STAP1: variants seen among roughly 807,000 people sequenced by gnomAD.
STAP1 encodes signal transducing adaptor family member 1.
STAP1 carries 30 observed loss-of-function variants against 37.8 expected under a neutral mutation model. The ratio of observed to expected loss-of-function variants is 0.79; its 90% CI spans 0.59 to 1.08. The LOEUF is 1.08. STAP1 is among the 50% of genes least tolerant of loss of function. The pLI, the probability that STAP1 is intolerant of heterozygous loss-of-function variation, is 0.00. For missense variants in STAP1, 357 were observed against 349.4 expected (o/e 1.02, Z -0.17); for synonymous variants, 130 against 116.0 (o/e 1.12, Z -0.78).
chr4:67,594,987 T>C (rs919820568), intron 8 of STAP1, among the ~76,000 whole-genome samples: 1 of 152,130 alleles, frequency 6.6e-6, no homozygotes, highest in Non-Finnish European at 1.5e-5. Flanking sequence ...AGTGGGTGAT[T>C]TGTCTTTTCA....
chr4:67,574,411 T>A (rs1299309241), intron 2 of STAP1, among the ~76,000 whole-genome samples: 1 of 152,162 alleles, frequency 6.6e-6, no homozygotes, highest in African/African-American at 2.4e-5. Context: ...TTTACATTAA[T>A]GAGTAAAAAG....
At chr4:67,599,638 TTTTC>T (rs1481892766) in intron 8 of STAP1, among the ~76,000 whole-genome samples, 1 of 151,788 alleles carries the variant, frequency 6.6e-6, no homozygotes, top group Non-Finnish European at 1.5e-5. Flanking sequence ...TCTTTTTTCT[TTTTC>T]TTTTTTTTTT....
chr4:67,591,590 G>A (rs1195663327), intron 7 of STAP1, among the ~76,000 whole-genome samples: 1 of 152,200 alleles, frequency 6.6e-6, no homozygotes, highest in Non-Finnish European at 1.5e-5. Flanking sequence ...ATAGCTCTGT[G>A]ATTTTAGGCT....
intron 1 of STAP1, among the ~76,000 whole-genome samples, chr4:67,560,644 GT>G (rs1727314323): frequency 1.8e-4 from 7 of 39,670 alleles, no homozygotes; most frequent in African/African-American, 2.9e-4. Context: ...GTGTGTGTGG[GT>G]GTGTGTCTGT....
intron 1 of STAP1, among the ~76,000 whole-genome samples, chr4:67,570,110 C>T (rs771610554): frequency 4.6e-5 from 7 of 152,104 alleles, no homozygotes; most frequent in Non-Finnish European, 8.8e-5. Context: ...GAAATACCTC[C>T]TGAAGAACAT....
Position 67,577,269 on chromosome 4 carries a change from T to C in STAP1, c.363+10T>C. 1 of 1,596,898 alleles carries C rather than the reference T, an allele frequency of 6.3e-7. No individual in the cohort carries two copies. ...TCTTACAGTAACAGAGGTAGGAAGC[T>C]CACTGCTTTTGATTGATTCTTTTTT... On this transcript the variant is annotated intron_variant, in intron 4 of 8. Coordinates refer to ENST00000265404, the MANE Select transcript of STAP1 (RefSeq NM_012108.4).
chr4:67,574,313 T>G (rs772609876), intron 2 of STAP1, among the ~76,000 whole-genome samples: 3 of 152,036 alleles, frequency 2.0e-5, no homozygotes, highest in Non-Finnish European at 4.4e-5. Flanking sequence ...CAAATGGAGA[T>G]TTAAATGGTA....
intron 8 of STAP1, among the ~76,000 whole-genome samples, chr4:67,602,924 T>G (rs376209187): frequency 2.0e-5 from 3 of 152,162 alleles, no homozygotes; most frequent in African/African-American, 7.2e-5. Context: ...GGCTCATGAT[T>G]TGGCAAATGG....
In STAP1 at chr4:67,587,628, T is replaced by C. The variant is rs1305958122; in HGVS notation, c.660-3256T>C. ...AGCTAAGGAAGCAGTAGGAAATATT[T>C]ACCCAAACTTTATTTCTTTGCAAAA... On this transcript the variant is annotated intron_variant, in intron 6 of 8. Coordinates refer to ENST00000265404, the MANE Select transcript of STAP1 (RefSeq NM_012108.4). Among the ~76,000 whole-genome samples the C allele has an allele frequency of 2.6e-5, 4 of 152,158 alleles. No individual in the cohort carries two copies. The East Asian group carries it at 7.7e-4, about 29-fold the overall frequency.
intron 4 of STAP1, 30 bp downstream of exon 4, chr4:67,577,289 T>TC: frequency 9.9e-7 from 1 of 1,008,364 alleles, no homozygotes; most frequent in African/African-American, 1.7e-5. Context: ...TGATTGATTC[T>TC]TTTTTTTTTT....
chr4:67,565,037 A>C (rs1727435510), intron 1 of STAP1, among the ~76,000 whole-genome samples: 1 of 152,186 alleles, frequency 6.6e-6, no homozygotes, highest in Non-Finnish European at 1.5e-5. Flanking sequence ...AAAACAGGAG[A>C]GCCTTGATTT....
At chr4:67,573,983 G>C (rs763765158) in intron 2 of STAP1, among the ~76,000 whole-genome samples, 1 of 152,110 alleles carries the variant, frequency 6.6e-6, no homozygotes, top group African/African-American at 2.4e-5. Context: ...CATATAGAGA[G>C]TGGAAATTGA....
chr4:67,559,026 T>A (rs949553508), intron 1 of STAP1, 97 bp downstream of exon 1: 18 of 1,218,140 alleles, frequency 1.5e-5, no homozygotes, highest in Non-Finnish European at 1.9e-5. Context: ...CTTGTTTCTG[T>A]TGAAATTAAA....
chr4:67,599,302 C>A (rs1728289859), intron 8 of STAP1, among the ~76,000 whole-genome samples: 1 of 152,184 alleles, frequency 6.6e-6, no homozygotes, highest in Non-Finnish European at 1.5e-5. Context: ...CTTCTTTAAA[C>A]ATTTGATAGA....
At position 67,588,039 on chromosome 4, in the gene STAP1, TAAAAAA is replaced by T. The variant is rs3032636; in HGVS notation, c.660-2824_660-2819del. ...GCACCCGGCTGGGGACACATTTTCT[TAAAAAA>T]AAAAAAAAAAAAAAAAAAAAGACTT... On this transcript the variant is annotated intron_variant, in intron 6 of 8. Coordinates refer to ENST00000265404, the MANE Select transcript of STAP1 (RefSeq NM_012108.4). Among the ~76,000 whole-genome samples, 480 of 85,634 alleles carry T rather than the reference TAAAAAA, an allele frequency of 5.6e-3. 3 individuals are homozygous for T. The highest frequency in any genetic ancestry group is 0.023 in the African/African-American group (465 of 19,934). The allele number at this position is 85,634 out of a possible 152,430, so 56.2% of individuals were successfully genotyped here. A position where few individuals can be genotyped will look rare whatever the true frequency, so the allele number is the denominator to read the frequency against.
At chr4:67,587,975 C>T (rs1161678332) in intron 6 of STAP1, among the ~76,000 whole-genome samples, 6 of 145,630 alleles carry the variant, frequency 4.1e-5, no homozygotes, top group East Asian at 2.1e-4. Flanking sequence ...CCGCCCATCT[C>T]GGCCTCCCAA....
chr4:67,571,124 T>C lies in STAP1; in HGVS notation c.161T>C (p.Leu54Pro), dbSNP rs1727596019. The change falls in exon 2 of 9, where the codon CTT becomes CCT. Residue 54 changes from leucine (L) to proline (P), a missense_variant. Transcript: ENST00000265404. ...TGGACAGAGTTGAGAGGAACTACTC[T>C]TTTCTTTTATACCGACAAAAAGAGT... ...HYWTELRGTT[L>P]FFYTDKKSII... 1.2e-6 allele frequency: 2 copies of C among 1,611,510 alleles called. No homozygotes were observed. Among genetic ancestry groups the C allele is most frequent in the Non-Finnish European group, 8.5e-7 (1 of 1,177,906 alleles).
chr4:67,560,853 T>C (rs1041189220), intron 1 of STAP1, among the ~76,000 whole-genome samples: 2 of 152,170 alleles, frequency 1.3e-5, no homozygotes, highest in African/African-American at 4.8e-5. Context: ...TTCATCACGT[T>C]GTTCAGGTTG....
intron 2 of STAP1, among the ~76,000 whole-genome samples, chr4:67,573,839 C>T (rs529792313): frequency 8.6e-5 from 13 of 151,784 alleles, no homozygotes; most frequent in Non-Finnish European, 1.9e-4. Context: ...ATATTGGCTA[C>T]AATTGAAAGA....
Sources: allele counts gnomAD v4.1 joint callset (sites outside exome capture counted in the v4.1 genomes callset), GRCh38; gene constraint gnomAD v4.1.1; transcripts MANE v1.5; gene names NCBI Gene and HGNC (gene_info 2026-07-23, HGNC 2026-07-21).